Variants in KIAA1549L observed in about 807,000 individuals in gnomAD.
KIAA1549L encodes UPF0606 protein KIAA1549L.
Under a neutral mutation model 160.7 loss-of-function variants are expected in KIAA1549L, and 88 were observed. The ratio of observed to expected loss-of-function variants is 0.55; its 90% CI spans 0.46 to 0.65. The LOEUF is 0.65. Ranked by LOEUF, KIAA1549L falls within the 30% of genes least tolerant of loss-of-function variation. KIAA1549L has a pLI of 0.00. For missense variants in KIAA1549L, 2,258 were observed against 2,437.5 expected (o/e 0.93, Z 1.55); for synonymous variants, 950 against 976.7 (o/e 0.97, Z 0.51).
At chr11:33,512,017 T>C (rs1037128251) in intron 1 of KIAA1549L, among the ~76,000 whole-genome samples, 1 of 152,228 alleles carries the variant, frequency 6.6e-6, no homozygotes, top group Admixed American at 6.5e-5. Flanking sequence ...TTACTTCTGG[T>C]CTTTTTCTAC....
chr11:33,615,246 C>T (rs897985520), intron 15 of KIAA1549L, among the ~76,000 whole-genome samples: 1 of 152,054 alleles, frequency 6.6e-6, no homozygotes, highest in African/African-American at 2.4e-5. Context: ...GGCCTCCTCC[C>T]GCTCCTCAGT....
At chr11:33,650,990 G>T (rs917531477) in intron 17 of KIAA1549L, among the ~76,000 whole-genome samples, 2 of 152,104 alleles carry the variant, frequency 1.3e-5, no homozygotes, top group Admixed American at 1.3e-4. Context: ...CCCAGGGTGA[G>T]ACAGGACAGA....
intron 1 of KIAA1549L, among the ~76,000 whole-genome samples, chr11:33,436,060 G>A (rs939542804): frequency 6.7e-6 from 1 of 150,162 alleles, no homozygotes; most frequent in Admixed American, 6.7e-5. Flanking sequence ...AGTACTATAA[G>A]CGATCTGGAG....
intron 1 of KIAA1549L, among the ~76,000 whole-genome samples, chr11:33,532,619 A>G (rs758107148): frequency 1.3e-5 from 2 of 152,246 alleles, no homozygotes; most frequent in African/African-American, 4.8e-5. Context: ...GAATCCAGCC[A>G]GTCTGATTCT....
intron 1 of KIAA1549L, among the ~76,000 whole-genome samples, chr11:33,503,290 T>C (rs1852997430): frequency 6.6e-6 from 1 of 152,250 alleles, no homozygotes; most frequent in African/African-American, 2.4e-5. Context: ...ATCCGAATCA[T>C]TGTATACTAT....
intron 1 of KIAA1549L, among the ~76,000 whole-genome samples, chr11:33,505,529 A>T (rs1050448006): frequency 1.3e-5 from 2 of 152,184 alleles, no homozygotes; most frequent in African/African-American, 2.4e-5. Flanking sequence ...TTAGAAATGC[A>T]GGTTATTCTC....
At chr11:33,430,041 T>TCCTCCCTTCCTTCCTCCCTTCCTC (rs1554976198) in intron 1 of KIAA1549L, among the ~76,000 whole-genome samples, 5,023 of 140,470 alleles carry the variant, frequency 0.036, 252 homozygotes, top group African/African-American at 0.1. Flanking sequence ...CTTCCTTCCT[T>TCCTCCCTTCCTTCCTCCCTTCCTC]CCTTCCTCCC....
chr11:33,628,243 G>GA lies in KIAA1549L; in HGVS notation c.5409+9588dup, dbSNP rs577199582. Among the ~76,000 whole-genome samples, 601 of 152,206 alleles carry GA rather than the reference G, an allele frequency of 3.9e-3. 9 individuals are homozygous for GA. Among genetic ancestry groups the GA allele is most frequent in the African/African-American group, 0.013 (543 of 41,516 alleles). On this transcript the variant is annotated intron_variant, in intron 16 of 20. Coordinates refer to ENST00000658780, the MANE Select transcript of KIAA1549L (RefSeq NM_012194.3). ...TTTGGAATAGGTGTGGTGTGGTGGT[G>GA]AAAAAAATGTATATTCTGTTGATTT...
intron 1 of KIAA1549L, among the ~76,000 whole-genome samples, chr11:33,407,910 CAG>C (rs1850700291): frequency 6.6e-6 from 1 of 152,186 alleles, no homozygotes; most frequent in African/African-American, 2.4e-5. Context: ...AGTTCTCACT[CAG>C]AGTTCTTGAG....
chr11:33,598,463 A>C (rs1006277206), intron 12 of KIAA1549L, among the ~76,000 whole-genome samples: 1 of 152,164 alleles, frequency 6.6e-6, no homozygotes, highest in Non-Finnish European at 1.5e-5. Flanking sequence ...AACACTCTGC[A>C]ACACTATCCA....
chr11:33,430,037 TCCTTCCTTCCTC>T (rs1278350192), intron 1 of KIAA1549L, among the ~76,000 whole-genome samples: 1 of 137,606 alleles, frequency 7.3e-6, no homozygotes, highest in Non-Finnish European at 1.6e-5. Flanking sequence ...CTTCCTTCCT[TCCTTCCTTCCTC>T]CCTTCCCTCT....
At chr11:33,523,049 C>T (rs916497075) in intron 1 of KIAA1549L, among the ~76,000 whole-genome samples, 1 of 152,136 alleles carries the variant, frequency 6.6e-6, no homozygotes, top group African/African-American at 2.4e-5. Flanking sequence ...ATGACAAAAG[C>T]AGAATAATTT....
chr11:33,545,283 C>T lies in KIAA1549L; in HGVS notation c.3290C>T (p.Ala1097Val). The change falls in exon 3 of 21, where the codon GCT (alanine) becomes GTT (valine). Residue 1097 changes from alanine to valine, a missense_variant. Ala to Val is a moderately conservative substitution (Grantham distance 64, BLOSUM62 0). Around this residue, in one of 6 missense-constraint regions of KIAA1549L, gnomAD observed 1,359 missense variants for 1,546.6 expected, o/e 0.88. Transcript: ENST00000658780. ...CCATTGCGAGCAGAAAACACAGATG[C>T]TGTCCTTCCTGCTGCATCGGCTGCA... ...LPPLRAENTD[A>V]VLPAASAAVV... The T allele has an allele frequency of 6.2e-7, 1 of 1,613,972 alleles. No individual in the cohort carries two copies. The highest frequency in any genetic ancestry group is 8.5e-7 in the Non-Finnish European group (1 of 1,179,886).
chr11:33,450,503 TA>T (rs1297516750), intron 1 of KIAA1549L: 2 of 152,168 alleles, frequency 1.3e-5, no homozygotes, highest in East Asian at 3.9e-4. Context: ...GGGGCTGCAG[TA>T]AGCTACAACT....
intron 1 of KIAA1549L, among the ~76,000 whole-genome samples, chr11:33,515,876 C>A (rs529759890): frequency 1.3e-5 from 2 of 152,294 alleles, no homozygotes; most frequent in East Asian, 1.9e-4. Flanking sequence ...TGGTGCTAGA[C>A]CTTTGGCAAG....
At chr11:33,544,541 T>G (rs1036295086) in intron 2 of KIAA1549L, among the ~76,000 whole-genome samples, 1 of 152,200 alleles carries the variant, frequency 6.6e-6, no homozygotes, top group Non-Finnish European at 1.5e-5. Flanking sequence ...CTATTCACAA[T>G]GTAAGCATCC....
At chr11:33,634,268 C>G (rs1358836316) in intron 16 of KIAA1549L, among the ~76,000 whole-genome samples, 1 of 143,502 alleles carries the variant, frequency 7.0e-6, no homozygotes, top group African/African-American at 2.7e-5. Context: ...ATCTGGAACT[C>G]CTGACCTCAA....
At chr11:33,444,369 A>C (rs1851568726) in intron 1 of KIAA1549L, among the ~76,000 whole-genome samples, 1 of 152,136 alleles carries the variant, frequency 6.6e-6, no homozygotes, top group African/African-American at 2.4e-5. Context: ...TATAGAATGA[A>C]CTCTAAGATA....
intron 1 of KIAA1549L, among the ~76,000 whole-genome samples, chr11:33,435,800 A>ATGTGTGTG (rs1309350867): frequency 0.03 from 379 of 12,744 alleles, 22 homozygotes; most frequent in Middle Eastern, 0.12. Flanking sequence ...ATATATATAT[A>ATGTGTGTG]TATATATATA....
Sources: allele counts gnomAD v4.1 joint callset (sites outside exome capture counted in the v4.1 genomes callset), GRCh38; gene constraint gnomAD v4.1.1; regional missense constraint gnomAD v4.1.1; transcripts MANE v1.5; gene names NCBI Gene and HGNC (gene_info 2026-07-23, HGNC 2026-07-21).